ELL: variants seen among roughly 807,000 people sequenced by gnomAD.
ELL encodes the protein elongation factor for RNA polymerase II.
In ELL, 18 loss-of-function variants were observed where a neutral mutation model predicts 64.0. The ratio of observed to expected loss-of-function variants is 0.28; its 90% CI spans 0.19 to 0.42. The LOEUF is 0.42. ELL is among the 10% of genes least tolerant of loss of function. The probability of loss-of-function intolerance (pLI) is 1.00; values close to 1 mark genes in which losing one functional copy is unlikely to be tolerated. For missense variants in ELL, 797 were observed against 870.4 expected (o/e 0.92, Z 1.06); for synonymous variants, 399 against 376.2 (o/e 1.06, Z -0.70).
In ELL at chr19:18,521,930, G is replaced by T. The variant is rs777926598; in HGVS notation, c.126C>A (p.Arg42=). ...GCGCCATGCCACTCACCTGTCTGGC[G>T]CGGTAGCTCTCGAAGGCCCTCAGGG... ...DSALRAFESY[R]ARQDSVSLRP... Residue 42 remains arginine, a synonymous_variant, in exon 1 of 12, where the codon CGC becomes CGA. Transcript: ENST00000262809. The T allele has an allele frequency of 3.9e-5, 63 of 1,597,976 alleles. No individual in the cohort carries two copies. The highest frequency in any genetic ancestry group is 5.3e-5 in the Non-Finnish European group (62 of 1,172,556).
intron 8 of ELL, among the ~76,000 whole-genome samples, chr19:18,447,235 A>C (rs1179770714): frequency 6.6e-6 from 1 of 152,258 alleles, no homozygotes; most frequent in Non-Finnish European, 1.5e-5. Flanking sequence ...CTAAGCTGAA[A>C]ACAAATGACC....
intron 1 of ELL, among the ~76,000 whole-genome samples, chr19:18,509,591 G>A (rs1416864782): frequency 6.6e-5 from 8 of 121,798 alleles, no homozygotes; most frequent in East Asian, 4.8e-4. Flanking sequence ...GTGCGCGCGC[G>A]CGCACATACA....
intron 8 of ELL, chr19:18,448,430 A>G (rs1974459982): frequency 1.3e-5 from 2 of 152,100 alleles, no homozygotes; most frequent in Admixed American, 1.3e-4. Flanking sequence ...TGGGCCAGAC[A>G]CTGTCTTCCA....
chr19:18,487,366 C>T (rs995574233), intron 1 of ELL, among the ~76,000 whole-genome samples: 5 of 152,226 alleles, frequency 3.3e-5, no homozygotes, highest in South Asian at 4.1e-4. Context: ...CCCCAGTCTT[C>T]CTTCGTGCTT....
At position 18,451,562 on chromosome 19, in the gene ELL, G is replaced by T; in HGVS notation, c.956C>A (p.Ser319Ter). The T allele has an allele frequency of 6.7e-7, 1 of 1,488,990 alleles. No individual in the cohort carries two copies. 92.2% of individuals were successfully genotyped at this position (1,488,990 alleles called of 1,614,324 possible). Reference protein sequence around the residue: ...SPPGERGRSASPPQKRLQPPD... With the variant: ...SPPGERGRSA The stretch of plus-strand genomic sequence containing the variant: ...GCATGCCTCACTTACCTGTGGGGGC[G>T]AGGCCGAGCGCCCACGCTCGCCTGG... The change falls in exon 7 of 12, where the codon TCG becomes TAG. Residue 319 changes from serine to a stop codon, truncating the protein, a stop_gained. Coordinates refer to ENST00000262809, the MANE Select transcript of ELL (RefSeq NM_006532.4). LOFTEE classifies it high-confidence loss of function.
intron 1 of ELL, among the ~76,000 whole-genome samples, chr19:18,477,108 AACTT>A (rs1368871676): frequency 6.6e-6 from 1 of 152,256 alleles, no homozygotes; most frequent in Non-Finnish European, 1.5e-5. Context: ...AGCTACTGTG[AACTT>A]GGAATGCTCC....
At chr19:18,517,543 G>A (rs1385675225) in intron 1 of ELL, among the ~76,000 whole-genome samples, 2 of 151,656 alleles carry the variant, frequency 1.3e-5, no homozygotes, top group African/African-American at 2.4e-5. Context: ...GAGCCACCAC[G>A]CCCGGCCATC....
chr19:18,497,378 G>A (rs1012719151), intron 1 of ELL, among the ~76,000 whole-genome samples: 5 of 152,210 alleles, frequency 3.3e-5, no homozygotes, highest in Admixed American at 6.5e-5. Flanking sequence ...GGAGGAAGGG[G>A]ATGAGTAGGT....
chr19:18,507,155 A>T lies in ELL; in HGVS notation c.135+14766T>A, dbSNP rs1975899427. On this transcript the variant is annotated intron_variant, in intron 1 of 11. Transcript: ENST00000262809. Reference sequence around the variant, plus strand: ...CTGGAACAAGCAGGCGTCTGAGAGCATCCAACTCCAAAAATAGTGCCACCA... The same window carrying T: ...CTGGAACAAGCAGGCGTCTGAGAGCTTCCAACTCCAAAAATAGTGCCACCA... Among the ~76,000 whole-genome samples the T allele has an allele frequency of 2.0e-5, 3 of 152,224 alleles. No individual in the cohort carries two copies. The South Asian group carries it at 6.2e-4, about 32-fold the overall frequency.
intron 1 of ELL, among the ~76,000 whole-genome samples, chr19:18,498,853 GGC>G (rs1466937633): frequency 6.6e-6 from 1 of 152,200 alleles, no homozygotes; most frequent in Non-Finnish European, 1.5e-5. Context: ...GGGAGGCTGA[GGC>G]AGGAGAATCG....
intron 10 of ELL, chr19:18,446,088 G>A (rs1394552721): frequency 1.7e-6 from 1 of 585,874 alleles, no homozygotes; most frequent in Non-Finnish European, 2.9e-6. Context: ...CACTGCAAAG[G>A]AGGCTGACAA....
rs865790473 is a variant in ELL, at chr19:18,465,869, G to A, written c.233C>T (p.Ser78Phe). ...PDCPAEARTF[S>F]FYLSNIGRDN... ...GCGGCCGATGTTGGAGAGGTAGAAG[G>A]AGAACGTCCGCGCCTCTGCGGGGCA... The change falls in exon 3 of 12, where the codon TCC (serine) becomes TTC (phenylalanine). Residue 78 changes from serine (S) to phenylalanine (F), a missense_variant. Coordinates refer to ENST00000262809, the MANE Select transcript of ELL (RefSeq NM_006532.4). 2 of 1,346,380 alleles carry A rather than the reference G, an allele frequency of 1.5e-6. No homozygotes were observed. The highest frequency in any genetic ancestry group is 1.9e-6 in the Non-Finnish European group (2 of 1,040,006). The allele number at this position is 1,346,380 out of a possible 1,614,324, so 83.4% of individuals were successfully genotyped here. A position where few individuals can be genotyped will look rare whatever the true frequency, so the allele number is the denominator to read the frequency against.
In ELL at chr19:18,446,380, G is replaced by A. The variant is rs775645541; in HGVS notation, c.1633C>T (p.Arg545Cys). ...AGCTGGGTGAACCGCCGCGTGATGC[G>A]CTCAATGCGGGCGTGCAGGTCGCGG... ...EYRDLHARIE[R>C]ITRRFTQLDA... is the part of the protein sequence containing the mutation. The change falls in exon 10 of 12, where the codon CGC becomes TGC. Residue 545 changes from arginine (R) to cysteine (C), a missense_variant. Transcript: ENST00000262809. 42 of 1,610,528 alleles carry A rather than the reference G, an allele frequency of 2.6e-5. No homozygotes were observed. Among genetic ancestry groups the A allele is most frequent in the Non-Finnish European group, 3.1e-5 (36 of 1,179,382 alleles).
At chr19:18,470,898 G>A (rs774172547) in intron 2 of ELL, 26 of 454,498 alleles carry the variant, frequency 5.7e-5, no homozygotes, top group Non-Finnish European at 1.0e-4. Context: ...CCCACTGCTT[G>A]CAATGCATCT....
intron 4 of ELL, among the ~76,000 whole-genome samples, chr19:18,463,313 G>A (rs1015818960): frequency 7.0e-6 from 1 of 143,088 alleles, no homozygotes; most frequent in Non-Finnish European, 1.5e-5. Context: ...AGAGGAACAC[G>A]CACATTCACA....
chr19:18,445,198 C>A (rs1974386800), intron 11 of ELL, 26 bp downstream of exon 11: 3 of 1,613,784 alleles, frequency 1.9e-6, no homozygotes, highest in Non-Finnish European at 2.5e-6. Flanking sequence ...TCACTTGGAG[C>A]CCACCCCAAC....
chr19:18,450,926 G>C lies in ELL; in HGVS notation c.1016C>G (p.Pro339Arg), dbSNP rs762514527. The change falls in exon 8 of 12, where the codon CCC (proline) becomes CGC (arginine). Residue 339 changes from proline to arginine, a missense_variant. By Grantham distance (103) the Pro-to-Arg change is moderately radical. Transcript: ENST00000262809. ...DFIDPLANKK[P>R]RISHFTQRAQ... ...TCTCTGAGTGAAGTGCGATATCCGGGGTTTCTTGTTGGCTAGGGGGTCGAT... is the reference window on the plus strand; with the variant it reads ...TCTCTGAGTGAAGTGCGATATCCGGCGTTTCTTGTTGGCTAGGGGGTCGAT... 6.5e-7 allele frequency: 1 copy of C among 1,539,686 alleles called. No homozygotes were observed. The highest frequency in any genetic ancestry group is 8.7e-7 in the Non-Finnish European group (1 of 1,143,458).
At chr19:18,517,307 G>C (rs1976150593) in intron 1 of ELL, among the ~76,000 whole-genome samples, 1 of 152,130 alleles carries the variant, frequency 6.6e-6, no homozygotes, top group Admixed American at 6.5e-5. Flanking sequence ...ACCCAGGCTG[G>C]AGTGCAGTGG....
intron 5 of ELL, among the ~76,000 whole-genome samples, chr19:18,459,598 C>A (rs1199932504): frequency 6.6e-6 from 1 of 150,802 alleles, no homozygotes; most frequent in African/African-American, 2.5e-5. Flanking sequence ...TGGCTCACTG[C>A]AAGCTCCGCC....
Sources: gnomAD v4.1 joint callset for allele counts (sites outside exome capture counted in the v4.1 genomes callset) on GRCh38, gnomAD v4.1.1 for gene constraint, MANE v1.5 for transcripts, NCBI Gene and HGNC (gene_info 2026-07-23, HGNC 2026-07-21) for gene names.